Variants in TRPC6 observed in about 807,000 individuals in gnomAD.
TRPC6 encodes the protein short transient receptor potential channel 6.
TRPC6 carries 55 observed loss-of-function variants against 90.7 expected under a neutral mutation model. That is an observed-to-expected ratio of 0.61 (90% CI 0.49 to 0.76). The LOEUF (loss-of-function observed/expected upper bound fraction) is 0.76. Among genes scored for constraint, TRPC6 ranks in the 30% least tolerant of loss-of-function variants. The probability of loss-of-function intolerance (pLI) is 0.00; values close to 1 mark genes in which losing one functional copy is unlikely to be tolerated. For synonymous variants in TRPC6, 393 were observed against 393.0 expected (o/e 1.00, Z 0.00); for missense variants, 989 against 1,122.7 (o/e 0.88, Z 1.70).
At chr11:101,472,454 C>A (rs568737166) in intron 7 of TRPC6, 122 bp from the exon 8 acceptor site, 118 of 925,452 alleles carry the variant, frequency 1.3e-4, no homozygotes, top group Admixed American at 2.5e-4. Flanking sequence ...AAATTCTTCA[C>A]TTCTCTGAAG....
intron 5 of TRPC6, among the ~76,000 whole-genome samples, chr11:101,476,887 G>A (rs546780974): frequency 1.3e-5 from 2 of 152,216 alleles, no homozygotes; most frequent in East Asian, 3.9e-4. Context: ...ATGGAAGTGG[G>A]ACTTCCGCAG....
chr11:101,532,821 G>A (rs1860938024), intron 1 of TRPC6, among the ~76,000 whole-genome samples: 2 of 152,148 alleles, frequency 1.3e-5, no homozygotes, highest in South Asian at 4.1e-4. Flanking sequence ...AGAGGGTGAG[G>A]CAGTGAATGG....
chr11:101,559,481 C>A (rs1213529633), intron 1 of TRPC6, among the ~76,000 whole-genome samples: 1 of 152,074 alleles, frequency 6.6e-6, no homozygotes, highest in Non-Finnish European at 1.5e-5. Context: ...AAATAATGAT[C>A]ATGACATATC....
intron 1 of TRPC6, among the ~76,000 whole-genome samples, chr11:101,553,640 C>G (rs1057178863): frequency 3.3e-5 from 5 of 152,116 alleles, no homozygotes; most frequent in African/African-American, 9.7e-5. Flanking sequence ...GCTTTCCTCC[C>G]TCTCAACCAG....
At chr11:101,491,481 A>C (rs944070945) in intron 3 of TRPC6, 75 bp downstream of exon 3, 22 of 1,563,478 alleles carry the variant, frequency 1.4e-5, no homozygotes, top group South Asian at 5.7e-5. Flanking sequence ...TTAATCTAAC[A>C]ATATCAACCC....
chr11:101,558,928 CAG>C (rs1488858299), intron 1 of TRPC6, among the ~76,000 whole-genome samples: 4 of 151,944 alleles, frequency 2.6e-5, no homozygotes, highest in Non-Finnish European at 4.4e-5. Flanking sequence ...TGGAAGAAAA[CAG>C]GGGAGAAACT....
chr11:101,502,183 C>T (rs552087898), intron 2 of TRPC6, among the ~76,000 whole-genome samples: 28 of 152,212 alleles, frequency 1.8e-4, no homozygotes, highest in African/African-American at 6.0e-4. Flanking sequence ...GTGTGGAGGC[C>T]TCAACATTTT....
chr11:101,549,020 T>G (rs1042477426), intron 1 of TRPC6, among the ~76,000 whole-genome samples: 1 of 151,922 alleles, frequency 6.6e-6, no homozygotes, highest in Admixed American at 6.6e-5. Flanking sequence ...TCCTTCTGTT[T>G]TTTTTTGATG....
intron 10 of TRPC6, among the ~76,000 whole-genome samples, chr11:101,465,253 T>A (rs976828269): frequency 2.0e-5 from 3 of 152,156 alleles, no homozygotes; most frequent in African/African-American, 4.8e-5. Flanking sequence ...GTGAATCTGA[T>A]GATTATGTGT....
intron 2 of TRPC6, among the ~76,000 whole-genome samples, chr11:101,492,069 G>A (rs911725625): frequency 1.3e-5 from 2 of 151,838 alleles, no homozygotes; most frequent in African/African-American, 2.4e-5. Context: ...TCGATCTCCT[G>A]ACCTCATGAT....
chr11:101,573,686 G>T (rs1011186329), intron 1 of TRPC6, among the ~76,000 whole-genome samples: 1 of 152,238 alleles, frequency 6.6e-6, no homozygotes, highest in South Asian at 2.1e-4. Context: ...TTCATTGAGT[G>T]TAAGACACAT....
intron 10 of TRPC6, 101 bp downstream of exon 10, chr11:101,469,326 T>G: frequency 1.5e-6 from 1 of 688,390 alleles, no homozygotes; most frequent in Non-Finnish European, 2.7e-6. Context: ...TTAATGGGTC[T>G]GTTCTCTACT....
At chr11:101,506,851 A>C (rs1336800427) in intron 1 of TRPC6, among the ~76,000 whole-genome samples, 2 of 152,124 alleles carry the variant, frequency 1.3e-5, no homozygotes, top group Non-Finnish European at 2.9e-5. Context: ...CAGAGGTGAT[A>C]CATTTCAATT....
At chr11:101,474,986 A>C (rs763226597) in intron 6 of TRPC6, among the ~76,000 whole-genome samples, 2 of 152,158 alleles carry the variant, frequency 1.3e-5, no homozygotes, top group African/African-American at 2.4e-5. Context: ...ACTTGCTGCC[A>C]TCCTCTTTTT....
chr11:101,467,047 C>A (rs1179775603), intron 10 of TRPC6, among the ~76,000 whole-genome samples: 1 of 152,184 alleles, frequency 6.6e-6, no homozygotes. Flanking sequence ...CACTGTCCAG[C>A]CAGTCCCTAT....
rs539377290 is a variant in TRPC6 at position 101,532,681 on chromosome 11, T to C, written c.171-27883A>G. On this transcript the variant is annotated intron_variant, in intron 1 of 12. Transcript: ENST00000344327. ...CAGCCCTCAGCCAACATTGTTTTGC[T>C]GGTGAAATTCAGCTGATAAGAAGGA... Among the ~76,000 whole-genome samples the C allele has an allele frequency of 2.0e-5, 3 of 152,292 alleles. No homozygotes were observed. The East Asian group carries it at 5.8e-4, about 29-fold the overall frequency.
At chr11:101,468,508 G>GAGAT (rs1465800942) in intron 10 of TRPC6, among the ~76,000 whole-genome samples, 10 of 152,208 alleles carry the variant, frequency 6.6e-5, no homozygotes, top group Admixed American at 2.6e-4. Context: ...TCTGGTCAAT[G>GAGAT]AGATATAACA....
rs71056630 is a variant in TRPC6, at chr11:101,558,460, TACACACACACACAC to T, written c.170+24860_170+24873del. ...ATACATATATATACACACGCACACA[TACACACACACACAC>T]ACACACACACACACACACACACATA... On this transcript the variant is annotated intron_variant, in intron 1 of 12. Coordinates refer to ENST00000344327, the MANE Select transcript of TRPC6 (RefSeq NM_004621.6). 1.6e-4 allele frequency among the ~76,000 whole-genome samples: 8 copies of T among 50,492 alleles called. 3 individuals are homozygous for T. Among genetic ancestry groups the T allele is most frequent in the Non-Finnish European group, 2.5e-4 (7 of 28,066 alleles). The allele number at this position is 50,492 out of a possible 152,430, so 33.1% of individuals were successfully genotyped here.
chr11:101,546,351 C>A (rs556402312), intron 1 of TRPC6, among the ~76,000 whole-genome samples: 1 of 65,604 alleles, frequency 1.5e-5, no homozygotes, highest in Non-Finnish European at 3.2e-5. Flanking sequence ...GGATTACAGG[C>A]GTGAGCCACC....
Sources: allele counts gnomAD v4.1 joint callset (sites outside exome capture counted in the v4.1 genomes callset), GRCh38; gene constraint gnomAD v4.1.1; transcripts MANE v1.5; gene names NCBI Gene and HGNC (gene_info 2026-07-23, HGNC 2026-07-21).